RAP1GDS1: variants seen among roughly 807,000 people sequenced by gnomAD.
RAP1GDS1 encodes the protein RAP1, GTP-GDP dissociation stimulator 1.
Under a neutral mutation model 71.1 loss-of-function variants are expected in RAP1GDS1, and 35 were observed. The observed-to-expected ratio is 0.49, with a 90% CI of 0.38 to 0.65. The LOEUF is 0.65. Ranked by LOEUF, RAP1GDS1 falls within the 30% of genes least tolerant of loss-of-function variation. RAP1GDS1 has a pLI of 0.00. For synonymous variants in RAP1GDS1, 229 were observed against 243.1 expected, an observed-to-expected ratio of 0.94 and a Z score of 0.54; for missense variants, 663 against 706.1, an observed-to-expected ratio of 0.94 and a Z score of 0.69.
At chr4:98,404,687 G>A (rs1460276725) in intron 7 of RAP1GDS1, 85 bp downstream of exon 7, 23 of 1,453,822 alleles carry the variant, frequency 1.6e-5, no homozygotes, top group Non-Finnish European at 2.1e-5. Context: ...CCAGCCATTT[G>A]ACTCAAAACC....
At chr4:98,289,726 A>G (rs898366732) in intron 1 of RAP1GDS1, among the ~76,000 whole-genome samples, 1 of 152,106 alleles carries the variant, frequency 6.6e-6, no homozygotes. Context: ...TCTGTCAGAT[A>G]CTAAACCCTT....
chr4:98,293,627 T>A, intron 2 of RAP1GDS1, 112 bp downstream of exon 2: 2 of 754,726 alleles, frequency 2.6e-6, no homozygotes, highest in Non-Finnish European at 4.4e-6. Flanking sequence ...ACTTGAATTC[T>A]TTTGAATCAT....
chr4:98,289,229 T>C (rs984722046), intron 1 of RAP1GDS1, among the ~76,000 whole-genome samples: 3 of 152,052 alleles, frequency 2.0e-5, no homozygotes, highest in African/African-American at 7.2e-5. Context: ...AAATAGAAAC[T>C]TTCATGTTTA....
chr4:98,288,954 T>G (rs147582036), intron 1 of RAP1GDS1, among the ~76,000 whole-genome samples: 213 of 152,274 alleles, frequency 1.4e-3, no homozygotes, highest in African/African-American at 4.8e-3. Flanking sequence ...CTGGAGAATT[T>G]GATTATAATA....
intron 1 of RAP1GDS1, among the ~76,000 whole-genome samples, chr4:98,292,567 A>AAC (rs1173603496): frequency 6.8e-6 from 1 of 146,328 alleles, no homozygotes; most frequent in Non-Finnish European, 1.5e-5. Flanking sequence ...AGTATAATAA[A>AAC]AGAAAAAAAA....
chr4:98,436,830 A>G (rs981976322), intron 13 of RAP1GDS1, 110 bp from the exon 14 acceptor site: 2 of 1,049,454 alleles, frequency 1.9e-6, no homozygotes, highest in Non-Finnish European at 1.3e-6. Context: ...ATTATTATTT[A>G]TCAGTTCCAT....
At chr4:98,425,881 G>C (rs1432701907) in intron 12 of RAP1GDS1, among the ~76,000 whole-genome samples, 1 of 152,142 alleles carries the variant, frequency 6.6e-6, no homozygotes. Flanking sequence ...GGACTTAACA[G>C]ATATTTACAG....
chr4:98,433,492 G>A (rs1415866687), intron 12 of RAP1GDS1, among the ~76,000 whole-genome samples: 6 of 151,886 alleles, frequency 4.0e-5, no homozygotes, highest in African/African-American at 1.5e-4. Context: ...ATGGGGTCTC[G>A]CTATGTTGCC....
At chr4:98,356,891 G>A (rs959883942) in intron 4 of RAP1GDS1, among the ~76,000 whole-genome samples, 9 of 151,824 alleles carry the variant, frequency 5.9e-5, no homozygotes, top group African/African-American at 1.9e-4. Flanking sequence ...TGAAACATAT[G>A]CATGTATCCG....
intron 1 of RAP1GDS1, among the ~76,000 whole-genome samples, chr4:98,271,868 A>T (rs958345596): frequency 1.3e-5 from 2 of 152,200 alleles, no homozygotes; most frequent in Non-Finnish European, 2.9e-5. Context: ...TAAATAATTT[A>T]TCCAAGGGGA....
At chr4:98,272,585 C>T (rs1245694427) in intron 1 of RAP1GDS1, among the ~76,000 whole-genome samples, 1 of 152,110 alleles carries the variant, frequency 6.6e-6, no homozygotes, top group Non-Finnish European at 1.5e-5. Flanking sequence ...GCAGACAGTA[C>T]AGTTTTCAGT....
chr4:98,303,575 A>C (rs1429666665), intron 2 of RAP1GDS1, among the ~76,000 whole-genome samples: 1 of 149,912 alleles, frequency 6.7e-6, no homozygotes, highest in East Asian at 1.9e-4. Context: ...TGGGCCAGTC[A>C]GTGTGATATG....
chr4:98,371,702 C>T (rs1268340190), intron 4 of RAP1GDS1, among the ~76,000 whole-genome samples: 1 of 152,056 alleles, frequency 6.6e-6, no homozygotes, highest in Non-Finnish European at 1.5e-5. Flanking sequence ...GTCTCAAACT[C>T]CCGCCTTGGC....
At chr4:98,398,211 A>AGTT (rs1476208180) in intron 6 of RAP1GDS1, among the ~76,000 whole-genome samples, 1 of 149,482 alleles carries the variant, frequency 6.7e-6, no homozygotes, top group African/African-American at 2.5e-5. Context: ...TTGGAGAAAT[A>AGTT]GTTGTACGAG....
chr4:98,413,271 C>T (rs1164322641), intron 7 of RAP1GDS1, among the ~76,000 whole-genome samples: 1 of 151,582 alleles, frequency 6.6e-6, no homozygotes, highest in African/African-American at 2.4e-5. Flanking sequence ...ACACATTGTG[C>T]AGGTTAGTTA....
intron 12 of RAP1GDS1, among the ~76,000 whole-genome samples, chr4:98,431,563 T>C (rs1578866536): frequency 6.6e-6 from 1 of 152,342 alleles, no homozygotes; most frequent in East Asian, 1.9e-4. Context: ...CCAGAATTTT[T>C]AAGAACAAAG....
At chr4:98,277,438 C>T (rs1254084504) in intron 1 of RAP1GDS1, among the ~76,000 whole-genome samples, 1 of 152,180 alleles carries the variant, frequency 6.6e-6, no homozygotes, top group Non-Finnish European at 1.5e-5. Context: ...AACTTTGCTA[C>T]CTCTTATTTC....
chr4:98,332,822 A>T (rs1221595587), intron 2 of RAP1GDS1, among the ~76,000 whole-genome samples: 1 of 152,182 alleles, frequency 6.6e-6, no homozygotes, highest in Non-Finnish European at 1.5e-5. Context: ...GTTTTGTATC[A>T]GTGTATTTTT....
intron 5 of RAP1GDS1, among the ~76,000 whole-genome samples, chr4:98,383,434 C>A (rs1393952507): frequency 2.0e-5 from 3 of 151,422 alleles, no homozygotes; most frequent in Non-Finnish European, 4.4e-5. Flanking sequence ...TATATGATTT[C>A]TACAAATACA....
Sources: allele counts gnomAD v4.1 joint callset (sites outside exome capture counted in the v4.1 genomes callset), GRCh38; gene constraint gnomAD v4.1.1; transcripts MANE v1.5; gene names NCBI Gene and HGNC (gene_info 2026-07-23, HGNC 2026-07-21).